Variants in NEDD4L observed in about 807,000 individuals in gnomAD.
NEDD4L encodes NEDD4 like E3 ubiquitin protein ligase, also known as E3 ubiquitin-protein ligase NEDD4-like.
A neutral mutation model predicts 148.9 loss-of-function variants in NEDD4L; 54 were observed. That is an observed-to-expected ratio of 0.36 (90% CI 0.29 to 0.45). The LOEUF (loss-of-function observed/expected upper bound fraction) is 0.45, where lower values mean the gene tolerates loss of function less well. Among genes scored for constraint, NEDD4L ranks in the 20% least tolerant of loss-of-function variants. The pLI, the probability that NEDD4L is intolerant of heterozygous loss-of-function variation, is 1.00. For synonymous variants in NEDD4L, 433 were observed against 440.7 expected (o/e 0.98, Z 0.22); for missense variants, 856 against 1,233.8 (o/e 0.69, Z 4.59).
In NEDD4L at chr18:58,050,677, C is replaced by T. The variant is rs140314739; in HGVS notation, c.48+5969C>T. On this transcript the variant is annotated intron_variant, in intron 1 of 30. Coordinates refer to ENST00000400345, the MANE Select transcript of NEDD4L (RefSeq NM_001144967.3). ...TCGGGAGGCTGAGGCAGGAGAATTG[C>T]TTGAACCTGGGAGGCAGAGGTTGCA... Among the ~76,000 whole-genome samples the T allele has an allele frequency of 7.8e-4, 119 of 151,848 alleles. 1 individual carries two copies. Among genetic ancestry groups the T allele is most frequent in the African/African-American group, 2.7e-3 (114 of 41,470 alleles).
intron 17 of NEDD4L, among the ~76,000 whole-genome samples, chr18:58,350,183 G>A (rs952330707): frequency 5.9e-5 from 9 of 152,108 alleles, no homozygotes; most frequent in African/African-American, 1.9e-4. Context: ...AGCCGTAGGG[G>A]GTGACAGGGC....
In NEDD4L at chr18:58,248,324, G is replaced by T. The variant is rs543743315; in HGVS notation, c.205-575G>T. 1.2e-4 allele frequency among the ~76,000 whole-genome samples: 19 copies of T among 152,310 alleles called. No homozygotes were observed. The South Asian group carries it at 3.9e-3, about 32-fold the overall frequency. On this transcript the variant is annotated intron_variant, in intron 3 of 30. Transcript: ENST00000400345. ...GATGAACAGATGGATGAATGGAGAGGAAGACTGAAGGATAAGTAGACAAGT... is the reference window on the plus strand; with the variant it reads ...GATGAACAGATGGATGAATGGAGAGTAAGACTGAAGGATAAGTAGACAAGT...
intron 5 of NEDD4L, among the ~76,000 whole-genome samples, chr18:58,302,944 C>T (rs536604711): frequency 6.6e-5 from 10 of 152,328 alleles, no homozygotes; most frequent in South Asian, 2.1e-4. Flanking sequence ...ACCTTGTAGT[C>T]GTCAGTAGAG....
intron 9 of NEDD4L, among the ~76,000 whole-genome samples, chr18:58,326,557 C>CT (rs901384127): frequency 2.0e-5 from 3 of 152,158 alleles, no homozygotes; most frequent in African/African-American, 7.2e-5. Context: ...CCACCTTGGG[C>CT]TTGGTTACAT....
intron 1 of NEDD4L, among the ~76,000 whole-genome samples, chr18:58,142,455 TC>T (rs2033658226): frequency 6.6e-6 from 1 of 152,198 alleles, no homozygotes; most frequent in Non-Finnish European, 1.5e-5. Context: ...TCTTGTATCT[TC>T]CTATGGGGGT....
At chr18:58,313,150 T>A (rs1282343607) in intron 5 of NEDD4L, among the ~76,000 whole-genome samples, 1 of 152,228 alleles carries the variant, frequency 6.6e-6, no homozygotes, top group Non-Finnish European at 1.5e-5. Context: ...ACCATGTGCA[T>A]TTTTGTGCTT....
At chr18:58,193,479 C>G (rs531351276) in intron 2 of NEDD4L, among the ~76,000 whole-genome samples, 2 of 148,964 alleles carry the variant, frequency 1.3e-5, no homozygotes, top group South Asian at 4.4e-4. Context: ...CTGTAAAACC[C>G]AGATTTATTC....
intron 1 of NEDD4L, among the ~76,000 whole-genome samples, chr18:58,063,890 C>A (rs1480627993): frequency 6.6e-6 from 1 of 150,734 alleles, no homozygotes; most frequent in Non-Finnish European, 1.5e-5. Context: ...AAGGTAGAAC[C>A]CCTTTAGAGA....
chr18:58,336,804 G>A (rs12051999), intron 13 of NEDD4L, among the ~76,000 whole-genome samples: 74,528 of 151,966 alleles, frequency 0.49, 18,661 homozygotes, highest in East Asian at 0.66. Context: ...CATGAGTCAT[G>A]TGTTGAGTGA....
intron 2 of NEDD4L, among the ~76,000 whole-genome samples, chr18:58,200,352 T>C (rs556554175): frequency 1.3e-5 from 2 of 152,028 alleles, no homozygotes; most frequent in Non-Finnish European, 2.9e-5. Flanking sequence ...CAACTGGAAG[T>C]GCTACCAGCA....
rs765699158 is a variant in NEDD4L, at chr18:58,330,809, G to A, written c.885G>A (p.Pro295=). Residue 295 remains proline (P), a synonymous_variant, in exon 11 of 31, where the codon CCG becomes CCA. Coordinates refer to ENST00000400345, the MANE Select transcript of NEDD4L (RefSeq NM_001144967.3). ...TCGGTCTGGCTCTGCCCCCACCACC[G>A]GCCTCCCCAGGATCTCGGACCAGCC... The part of the protein sequence containing the change: ...DSLGLALPPP[P]ASPGSRTSPQ... 1.8e-5 allele frequency: 29 copies of A among 1,613,562 alleles called. 1 individual carries two copies. Among genetic ancestry groups the A allele is most frequent in the Admixed American group, 1.7e-5 (1 of 59,978 alleles).
chr18:58,061,794 T>A (rs2082346755), intron 1 of NEDD4L, among the ~76,000 whole-genome samples: 1 of 152,244 alleles, frequency 6.6e-6, no homozygotes. Flanking sequence ...CCCTTTGGGA[T>A]AAATTAAAAT....
At chr18:58,113,886 A>G (rs73440898) in intron 1 of NEDD4L, among the ~76,000 whole-genome samples, 12,890 of 152,066 alleles carry the variant, frequency 0.085, 629 homozygotes, top group Non-Finnish European at 0.11. Context: ...CTGGGACCTC[A>G]TGGGTCTTCC....
At chr18:58,281,099 T>A (rs2052996998) in intron 5 of NEDD4L, among the ~76,000 whole-genome samples, 1 of 152,192 alleles carries the variant, frequency 6.6e-6, no homozygotes. Flanking sequence ...CGCCTCAGCC[T>A]CCTGAGTAGC....
rs571708155 is a variant in NEDD4L, at chr18:58,395,644, G to A, written c.2826-523G>A. Among the ~76,000 whole-genome samples, 98 of 152,258 alleles carry A rather than the reference G, an allele frequency of 6.4e-4. 1 individual carries two copies. Among genetic ancestry groups the A allele is most frequent in the Non-Finnish European group, 5.9e-4 (40 of 68,008 alleles). ...CCTGGGTTCTGTTTGTGGGTCTGCC[G>A]TTTGACAAAGACTGTGACCTCAGGA... On this transcript the variant is annotated intron_variant, in intron 30 of 30. Transcript: ENST00000400345.
At chr18:58,112,113 T>C (rs9954083) in intron 1 of NEDD4L, among the ~76,000 whole-genome samples, 3,203 of 152,196 alleles carry the variant, frequency 0.021, 126 homozygotes, top group African/African-American at 0.074. Flanking sequence ...TGTTTGGCTG[T>C]TTATGAGGAT....
intron 5 of NEDD4L, among the ~76,000 whole-genome samples, chr18:58,299,473 A>T (rs1424415681): frequency 1.3e-5 from 2 of 152,262 alleles, no homozygotes; most frequent in South Asian, 4.1e-4. Flanking sequence ...AAAATACAGT[A>T]TGTACTAATG....
At chr18:58,226,981 A>G (rs888391833) in intron 2 of NEDD4L, among the ~76,000 whole-genome samples, 2 of 152,126 alleles carry the variant, frequency 1.3e-5, no homozygotes, top group South Asian at 4.1e-4. Flanking sequence ...CCAGTGAACG[A>G]TATTAATTTC....
chr18:58,095,496 A>C (rs372256344), intron 1 of NEDD4L, among the ~76,000 whole-genome samples: 19,814 of 137,060 alleles, frequency 0.14, 1,829 homozygotes, highest in African/African-American at 0.3. Context: ...CCTGGACAGG[A>C]AGATGGGACT....
Sources: allele counts gnomAD v4.1 joint callset (sites outside exome capture counted in the v4.1 genomes callset), GRCh38; gene constraint gnomAD v4.1.1; transcripts MANE v1.5; gene names NCBI Gene and HGNC (gene_info 2026-07-23, HGNC 2026-07-21).